Variants in UMOD observed in about 807,000 individuals in gnomAD.
UMOD encodes the protein Tamm-Horsfall urinary glycoprotein.
A neutral mutation model predicts 66.0 loss-of-function variants in UMOD; 64 were observed. The observed-to-expected ratio is 0.97, with a 90% CI of 0.79 to 1.19. UMOD has a LOEUF of 1.19. UMOD is among the 50% of genes most tolerant of loss of function. UMOD has a pLI of 0.00. For synonymous variants in UMOD, 398 were observed against 352.7 expected (o/e 1.13, Z -1.44); for missense variants, 764 against 850.9 (o/e 0.90, Z 1.27).
At position 20,344,727 on chromosome 16, in the gene UMOD, C is replaced by T. The variant is rs558798014; in HGVS notation, c.1183-555G>A. On this transcript the variant is annotated intron_variant, in intron 5 of 10. Coordinates refer to ENST00000396138, the MANE Select transcript of UMOD (RefSeq NM_003361.4). ...TACAACAGCAATGACCATTCATGCG[C>T]ATATGTCATGTGCCAGACCCCGAGT... is the stretch of plus-strand genomic sequence containing the variant. Among the ~76,000 whole-genome samples the T allele has an allele frequency of 5.2e-4, 79 of 152,184 alleles. 2 individuals are homozygous for T. The South Asian group carries it at 0.015, about 30-fold the overall frequency.
At position 20,344,058 on chromosome 16, in the gene UMOD, C is replaced by T. The variant is rs773429945; in HGVS notation, c.1297G>A (p.Val433Ile). 1.2e-6 allele frequency: 2 copies of T among 1,614,012 alleles called. No individual in the cohort carries two copies. ...FACSYPLDMK[V>I]SLKTALQPMV... is the part of the protein sequence containing the mutation. ...GGCTGTAGGGCGGTCTTCAGGCTGA[C>T]TTTCATGTCCAGGGGGTAGGAGCAT... is the stretch of plus-strand genomic sequence containing the variant. The change falls in exon 6 of 11, where the codon GTC (valine) becomes ATC (isoleucine). Residue 433 changes from valine (V) to isoleucine (I), a missense_variant. Transcript: ENST00000396138.
At chr16:20,334,708 A>G (rs1964779077) in intron 10 of UMOD, among the ~76,000 whole-genome samples, 1 of 151,722 alleles carries the variant, frequency 6.6e-6, no homozygotes, top group African/African-American at 2.4e-5. Flanking sequence ...CCTCCAGCAC[A>G]CCCTGGGACC....
In UMOD at chr16:20,336,433, A is replaced by C. The variant is rs111266260; in HGVS notation, c.1822+213T>G. ...TGGCCTCCCCCGTGTCCTGTGTTACATTCATCTACAAATCATATTTGTCCA... is the reference window on the plus strand; with the variant it reads ...TGGCCTCCCCCGTGTCCTGTGTTACCTTCATCTACAAATCATATTTGTCCA... On this transcript the variant is annotated intron_variant, in intron 9 of 10. Transcript: ENST00000396138. 1.8e-3 allele frequency among the ~76,000 whole-genome samples: 270 copies of C among 152,344 alleles called. 1 individual carries two copies. The highest frequency in any genetic ancestry group is 6.4e-3 in the African/African-American group (265 of 41,566).
intron 9 of UMOD, 140 bp from the exon 10 acceptor site, chr16:20,335,660 C>T (rs1964831025): frequency 1.2e-6 from 1 of 802,148 alleles, no homozygotes; most frequent in East Asian, 2.7e-5. Context: ...ATGTTACTCC[C>T]CTACTTCAGA....
rs1427082483 is a variant in UMOD at position 20,345,150 on chromosome 16, A to G, written c.1182+976T>C. On this transcript the variant is annotated intron_variant, in intron 5 of 10. Coordinates refer to ENST00000396138, the MANE Select transcript of UMOD (RefSeq NM_003361.4). ...TGCCTCAGCCTCCCGAGTAGCTGGG[A>G]TTACAGGTGCCCACCAACAGGTCCA... is the stretch of plus-strand genomic sequence containing the variant. Among the ~76,000 whole-genome samples the G allele has an allele frequency of 8.6e-5, 13 of 152,020 alleles. 1 individual carries two copies. Among genetic ancestry groups the G allele is most frequent in the Admixed American group, 7.9e-4 (12 of 15,250 alleles).
At position 20,333,301 on chromosome 16, in the gene UMOD, T is replaced by C. The variant is rs1051824206; in HGVS notation, c.*13A>G. On this transcript the variant is annotated 3_prime_UTR_variant, in exon 11 of 11. Transcript: ENST00000396138. ...AGATGGCAGCCATGGAGCACAGGGC[T>C]TTCCGCTGTCAGTCACTGAAAAGTC... The C allele has an allele frequency of 6.2e-7, 1 of 1,612,322 alleles. No individual in the cohort carries two copies. The highest frequency in any genetic ancestry group is 8.5e-7 in the Non-Finnish European group (1 of 1,179,422).
chr16:20,344,192 T>TGGTGGGGGGG lies in UMOD; in HGVS notation c.1183-21_1183-20insCCCCCCCACC. 2 of 554,920 alleles carry TGGTGGGGGGG rather than the reference T, an allele frequency of 3.6e-6. No homozygotes were observed. Among genetic ancestry groups the TGGTGGGGGGG allele is most frequent in the Non-Finnish European group, 5.8e-6 (2 of 342,428 alleles). 34.4% of individuals were successfully genotyped at this position (554,920 alleles called of 1,614,324 possible). On this transcript the variant is annotated intron_variant, in intron 5 of 10. Coordinates refer to ENST00000396138, the MANE Select transcript of UMOD (RefSeq NM_003361.4). Reference sequence around the variant, plus strand: ...ATTCCTCTGTTGCAGGGAATGGGGGTGGAGGGGGGGTGGGGATGAGAGAAA... The same window carrying TGGTGGGGGGG: ...ATTCCTCTGTTGCAGGGAATGGGGGTGGTGGGGGGGGGAGGGGGGGTGGGGATGAGAGAAA...
chr16:20,341,463 G>C, intron 6 of UMOD, 127 bp from the exon 7 acceptor site: 1 of 1,531,194 alleles, frequency 6.5e-7, no homozygotes, highest in Non-Finnish European at 8.8e-7. Flanking sequence ...AATAAGAGTG[G>C]AACCCACCAA....
rs1965585510 is a variant in UMOD, at chr16:20,346,327, G to A, written c.981C>T (p.Ser327=). The stretch of plus-strand genomic sequence containing the variant: ...CACATTCCAGCCTGTGCTCCAGGAG[G>A]GAGATATCTGAAACAGGTTAGGTGG... The part of the protein sequence containing the change: ...CKQDFNITDI[S]LLEHRLECGA... The change falls in exon 5 of 11, where the codon TCC becomes TCT. Residue 327 remains serine (S), a synonymous_variant. Transcript: ENST00000396138. The A allele has an allele frequency of 3.7e-6, 6 of 1,614,244 alleles. No individual in the cohort carries two copies. The highest frequency in any genetic ancestry group is 5.1e-6 in the Non-Finnish European group (6 of 1,180,036).
rs116825157 is a variant in UMOD at position 20,345,726 on chromosome 16, G to A, written c.1182+400C>T. On this transcript the variant is annotated intron_variant, in intron 5 of 10. Transcript: ENST00000396138. ...GAGGTCCTGATTCTCTGTACATTAA[G>A]GATACAGACCTTGCCTTCCAGGACC... Among the ~76,000 whole-genome samples the A allele has an allele frequency of 1.0e-2, 1,519 of 151,992 alleles. 28 individuals carry two copies. Among genetic ancestry groups the A allele is most frequent in the African/African-American group, 0.035 (1,435 of 41,426 alleles).
chr16:20,355,726 A>T (rs542788044), upstream of UMOD, among the ~76,000 whole-genome samples: 32 of 152,224 alleles, frequency 2.1e-4, 1 homozygote, highest in South Asian at 1.9e-3. Flanking sequence ...CTTAACTTTC[A>T]AACATGGGTA....
At chr16:20,342,383 G>T in intron 6 of UMOD, 1 of 152,556 alleles carries the variant, frequency 6.6e-6, no homozygotes, top group Non-Finnish European at 1.5e-5. Flanking sequence ...ACAGAGAGAT[G>T]TGGGCACACT....
chr16:20,350,769 G>A lies in UMOD; in HGVS notation c.-32C>T. On this transcript the variant is annotated 5_prime_UTR_variant, in exon 2 of 11. Coordinates refer to ENST00000396138, the MANE Select transcript of UMOD (RefSeq NM_003361.4). ...TGCTCTTCCCGCTACTTCAGGTCTA[G>A]ATAGCACCTGCCCAAAGGAAAGACG... The A allele has an allele frequency of 6.2e-7, 1 of 1,614,000 alleles. No individual in the cohort carries two copies. The highest frequency in any genetic ancestry group is 2.2e-5 in the East Asian group (1 of 44,876).
At chr16:20,348,060 G>A (rs1041474345) in intron 4 of UMOD, among the ~76,000 whole-genome samples, 163 bp downstream of exon 4, 1 of 152,184 alleles carries the variant, frequency 6.6e-6, no homozygotes, top group African/African-American at 2.4e-5. Context: ...AGAGCCTCTT[G>A]CCGGCTTTAA....
chr16:20,347,341 A>G (rs1001595825), intron 4 of UMOD, among the ~76,000 whole-genome samples: 3 of 152,302 alleles, frequency 2.0e-5, no homozygotes, highest in Admixed American at 2.0e-4. Flanking sequence ...TCCCTCTCAA[A>G]CAGAGAGCAG....
At chr16:20,343,260 T>A (rs963533335) in intron 6 of UMOD, among the ~76,000 whole-genome samples, 6 of 152,060 alleles carry the variant, frequency 3.9e-5, no homozygotes, top group Middle Eastern at 3.4e-3. Flanking sequence ...AGATTCCTTT[T>A]AAAAAAAATA....
Position 20,350,783 on chromosome 16 carries a change from A to G in UMOD, c.-46T>C, listed in dbSNP as rs1044681620. On this transcript the variant is annotated 5_prime_UTR_variant, in exon 2 of 11. Coordinates refer to ENST00000396138, the MANE Select transcript of UMOD (RefSeq NM_003361.4). ...CTTCAGGTCTAGATAGCACCTGCCCAAAGGAAAGACGGGTTGGCCCTTTGA... is the reference window on the plus strand; with the variant it reads ...CTTCAGGTCTAGATAGCACCTGCCCGAAGGAAAGACGGGTTGGCCCTTTGA... The G allele has an allele frequency of 2.5e-6, 4 of 1,613,394 alleles. No homozygotes were observed. In the African/African-American group the frequency reaches 5.3e-5, roughly 22 times the overall value.
chr16:20,343,955 G>C, intron 6 of UMOD, 69 bp downstream of exon 6: 1 of 1,591,884 alleles, frequency 6.3e-7, no homozygotes. Flanking sequence ...CAGTTGACAG[G>C]GAAGCTCATG....
rs751156376 is a variant in UMOD, at chr16:20,348,241, G to C, written c.955C>G (p.Gln319Glu). ...NNGRWHCQCK[Q>E]DFNITDISLL... ...GCCTCACCAGTGATGTTGAAGTCCT[G>C]TTTGCACTGGCAGTGCCATCTGCCA... Residue 319 changes from glutamine (Q) to glutamate (E), a missense_variant, in exon 4 of 11, where the codon CAG (glutamine) becomes GAG (glutamate). By Grantham distance (29) the Gln-to-Glu change is conservative. Coordinates refer to ENST00000396138, the MANE Select transcript of UMOD (RefSeq NM_003361.4). 1 of 1,614,094 alleles carries C rather than the reference G, an allele frequency of 6.2e-7. No homozygotes were observed. The highest frequency in any genetic ancestry group is 8.5e-7 in the Non-Finnish European group (1 of 1,180,032).
Sources: allele counts gnomAD v4.1 joint callset (sites outside exome capture counted in the v4.1 genomes callset), GRCh38; gene constraint gnomAD v4.1.1; transcripts MANE v1.5; gene names NCBI Gene and HGNC (gene_info 2026-07-23, HGNC 2026-07-21).